FRMD3: variants seen among roughly 807,000 people sequenced by gnomAD.
FRMD3 encodes FERM domain containing 3.
FRMD3 carries 33 observed loss-of-function variants against 70.2 expected under a neutral mutation model. That is an observed-to-expected ratio of 0.47 (90% CI 0.36 to 0.63). FRMD3 has a LOEUF of 0.63. FRMD3 is among the 20% of genes least tolerant of loss of function. The pLI is 0.00. For missense variants in FRMD3, 632 were observed against 711.4 expected, an observed-to-expected ratio of 0.89 and a Z score of 1.27; for synonymous variants, 279 against 255.9, an observed-to-expected ratio of 1.09 and a Z score of -0.86.
At chr9:83,260,483 C>T (rs1329374379) in intron 13 of FRMD3, among the ~76,000 whole-genome samples, 1 of 152,116 alleles carries the variant, frequency 6.6e-6, no homozygotes, top group Non-Finnish European at 1.5e-5. Context: ...GGTGTCCTTA[C>T]ATGTAGGGTG....
At chr9:83,262,760 T>G (rs1833046207) in intron 13 of FRMD3, among the ~76,000 whole-genome samples, 1 of 152,168 alleles carries the variant, frequency 6.6e-6, no homozygotes. Context: ...AGATAGCTCT[T>G]ACTCATCCTC....
chr9:83,522,811 C>T (rs1829605000), intron 1 of FRMD3, among the ~76,000 whole-genome samples: 1 of 152,086 alleles, frequency 6.6e-6, no homozygotes, highest in Non-Finnish European at 1.5e-5. Context: ...AATCTGCCCG[C>T]CTCGGCCTCC....
At chr9:83,386,854 G>A (rs1334978269) in intron 2 of FRMD3, among the ~76,000 whole-genome samples, 1 of 152,152 alleles carries the variant, frequency 6.6e-6, no homozygotes, top group African/African-American at 2.4e-5. Flanking sequence ...TTATTTTGGA[G>A]AATGTTCCTC....
intron 2 of FRMD3, among the ~76,000 whole-genome samples, chr9:83,388,298 T>C (rs889699896): frequency 6.6e-6 from 1 of 152,268 alleles, no homozygotes; most frequent in South Asian, 2.1e-4. Context: ...AAGAGCCAAG[T>C]GAGGTGTGGG....
intron 10 of FRMD3, among the ~76,000 whole-genome samples, chr9:83,306,487 G>A (rs954578702): frequency 1.3e-5 from 2 of 152,086 alleles, no homozygotes; most frequent in East Asian, 1.9e-4. Flanking sequence ...TCCTGCCATG[G>A]TACCCTACGG....
intron 10 of FRMD3, among the ~76,000 whole-genome samples, chr9:83,301,525 T>TA (rs201599383): frequency 0.25 from 35,665 of 141,592 alleles, 4,542 homozygotes; most frequent in African/African-American, 0.35. Flanking sequence ...GTGGTTGGCT[T>TA]AAAAAAAAAA....
chr9:83,360,813 A>AG (rs1382720015), intron 3 of FRMD3, among the ~76,000 whole-genome samples: 1 of 152,256 alleles, frequency 6.6e-6, no homozygotes, highest in African/African-American at 2.4e-5. Context: ...CACATCATTT[A>AG]GAACTGCATG....
intron 3 of FRMD3, among the ~76,000 whole-genome samples, chr9:83,359,471 C>T (rs973930977): frequency 2.6e-5 from 4 of 152,160 alleles, no homozygotes; most frequent in African/African-American, 9.7e-5. Flanking sequence ...ATGGAACCAA[C>T]CACAGAGAGC....
In FRMD3 at chr9:83,538,313, T is replaced by A; in HGVS notation, c.-82A>T. 7.5e-7 allele frequency: 1 copy of A among 1,326,450 alleles called. No individual in the cohort carries two copies. The highest frequency in any genetic ancestry group is 9.9e-7 in the Non-Finnish European group (1 of 1,005,240). The allele number at this position is 1,326,450 out of a possible 1,614,324, so 82.2% of individuals were successfully genotyped here. On this transcript the variant is annotated 5_prime_UTR_variant, in exon 1 of 14. Transcript: ENST00000304195. This position sits in a 1 kb window ranked among gnomAD's most constrained non-coding sequence, Gnocchi z 4.7. The stretch of plus-strand genomic sequence containing the variant: ...CGCGGACACACACGCTCGCACGCAC[T>A]GTCCGGGACACCTGGGCGCGGCTCA...
chr9:83,449,402 T>C (rs1016492352), intron 1 of FRMD3, among the ~76,000 whole-genome samples: 1 of 152,220 alleles, frequency 6.6e-6, no homozygotes, highest in African/African-American at 2.4e-5. Flanking sequence ...TCTGGTCTGG[T>C]CCTGGGATCA....
intron 10 of FRMD3, among the ~76,000 whole-genome samples, chr9:83,308,166 A>C (rs1835212530): frequency 6.6e-6 from 1 of 152,074 alleles, no homozygotes; most frequent in African/African-American, 2.4e-5. Context: ...GGACATGGGG[A>C]TGTCAGTGCT....
At chr9:83,409,436 A>G (rs1826218168) in intron 1 of FRMD3, among the ~76,000 whole-genome samples, 1 of 152,166 alleles carries the variant, frequency 6.6e-6, no homozygotes, top group South Asian at 2.1e-4. Context: ...CCTTCCATCA[A>G]AAACAAACAA....
At chr9:83,492,964 C>T (rs1004745985) in intron 1 of FRMD3, among the ~76,000 whole-genome samples, 7 of 152,184 alleles carry the variant, frequency 4.6e-5, no homozygotes, top group Non-Finnish European at 8.8e-5. Context: ...CCGAGACATT[C>T]TCCAGGAAAA....
intron 1 of FRMD3, among the ~76,000 whole-genome samples, chr9:83,408,523 C>T (rs1826190945): frequency 6.6e-6 from 1 of 152,186 alleles, no homozygotes. Flanking sequence ...AGGCACAACC[C>T]CCAGGTGGGG....
At chr9:83,417,052 C>T (rs1449901181) in intron 1 of FRMD3, among the ~76,000 whole-genome samples, 1 of 152,120 alleles carries the variant, frequency 6.6e-6, no homozygotes, top group Non-Finnish European at 1.5e-5. Context: ...ATCAAGAGTC[C>T]TGCCGTAGAC....
chr9:83,338,357 A>G (rs1428639635), intron 5 of FRMD3, among the ~76,000 whole-genome samples: 1 of 152,210 alleles, frequency 6.6e-6, no homozygotes, highest in Non-Finnish European at 1.5e-5. Context: ...ATGACCTAGC[A>G]ATCCCATTTC....
rs113408108 is a variant in FRMD3 at position 83,286,304 on chromosome 9, G to T, written c.1195+4299C>A. On this transcript the variant is annotated intron_variant, in intron 13 of 13. Transcript: ENST00000304195. The stretch of plus-strand genomic sequence containing the variant: ...AGTTAAGACTTTCTTCTCCCAATCT[G>T]ATTTTTAAAAAATTTTTAATTAGAG... Among the ~76,000 whole-genome samples, 280 of 150,036 alleles carry T rather than the reference G, an allele frequency of 1.9e-3. 2 individuals are homozygous for T. The highest frequency in any genetic ancestry group is 6.6e-3 in the African/African-American group (269 of 40,918).
intron 5 of FRMD3, 115 bp from the exon 6 acceptor site, chr9:83,335,754 A>C (rs1232013276): frequency 2.2e-5 from 17 of 790,212 alleles, no homozygotes; most frequent in Admixed American, 1.7e-4. Context: ...AAACTCACCC[A>C]AAAATATGTA....
At chr9:83,390,518 T>C (rs1481470681) in intron 1 of FRMD3, among the ~76,000 whole-genome samples, 3 of 152,216 alleles carry the variant, frequency 2.0e-5, no homozygotes, top group Non-Finnish European at 4.4e-5. Flanking sequence ...CAGGCCTGTG[T>C]GACCTTGGGT....
Sources: allele counts gnomAD v4.1 joint callset (sites outside exome capture counted in the v4.1 genomes callset), GRCh38; gene constraint gnomAD v4.1.1; non-coding constraint Gnocchi (gnomAD v3.1); transcripts MANE v1.5; gene names NCBI Gene and HGNC (gene_info 2026-07-23, HGNC 2026-07-21).